Variants in ARHGEF37 observed in about 807,000 individuals in gnomAD.
ARHGEF37 encodes the protein Rho guanine nucleotide exchange factor 37.
In ARHGEF37, 55 loss-of-function variants were observed where a neutral mutation model predicts 71.1. The observed-to-expected ratio is 0.77, with a 90% CI of 0.62 to 0.97. The LOEUF (loss-of-function observed/expected upper bound fraction) is 0.97, where lower values mean the gene tolerates loss of function less well. Ranked by LOEUF, ARHGEF37 falls within the 50% of genes least tolerant of loss-of-function variation. The pLI is 0.00. For synonymous variants in ARHGEF37, 327 were observed against 350.6 expected (o/e 0.93, Z 0.75); for missense variants, 765 against 836.8 (o/e 0.91, Z 1.06).
intron 1 of ARHGEF37, among the ~76,000 whole-genome samples, chr5:149,572,162 G>C (rs1276430788): frequency 6.6e-6 from 1 of 152,110 alleles, no homozygotes; most frequent in Non-Finnish European, 1.5e-5. Context: ...ATGGTCAATT[G>C]ATCTGCAACC....
At chr5:149,586,288 G>T (rs547893539) in intron 1 of ARHGEF37, among the ~76,000 whole-genome samples, 1 of 152,298 alleles carries the variant, frequency 6.6e-6, no homozygotes, top group East Asian at 1.9e-4. Flanking sequence ...TTTTTGAGAT[G>T]GAGTCTTGCT....
At position 149,634,106 on chromosome 5, in the gene ARHGEF37, G is replaced by A. The variant is rs1752964974; in HGVS notation, c.*1915G>A. The A allele has an allele frequency of 6.6e-6, 1 of 152,144 alleles. No homozygotes were observed. Among genetic ancestry groups the A allele is most frequent in the East Asian group, 1.9e-4 (1 of 5,196 alleles). 9.4% of individuals were successfully genotyped at this position (152,144 alleles called of 1,614,324 possible). On this transcript the variant is annotated 3_prime_UTR_variant, in exon 13 of 13. Coordinates refer to ENST00000333677, the MANE Select transcript of ARHGEF37 (RefSeq NM_001001669.3). ...GAAGTTACCATGGCAGGTTTCAACTGGCAGAATCCAGGCTCCGTCCCACCC... is the reference window on the plus strand; with the variant it reads ...GAAGTTACCATGGCAGGTTTCAACTAGCAGAATCCAGGCTCCGTCCCACCC...
chr5:149,560,981 T>C (rs942282178), intron 1 of ARHGEF37, among the ~76,000 whole-genome samples: 71 of 152,038 alleles, frequency 4.7e-4, no homozygotes, highest in African/African-American at 1.6e-3. Flanking sequence ...TAGTTAGAAA[T>C]TAGAAGATAC....
chr5:149,601,213 G>T lies in ARHGEF37; in HGVS notation c.292G>T (p.Glu98Ter). 6.2e-7 allele frequency: 1 copy of T among 1,612,444 alleles called. No homozygotes were observed. The highest frequency in any genetic ancestry group is 1.1e-5 in the South Asian group (1 of 90,884). ...DLQETASKEE[E>*]QVQLVGNIFL... is the part of the protein sequence containing the mutation. ...GCAGGAGACAGCCTCCAAGGAAGAG[G>T]AACAAGTGCAGCTAGTTGGTAAGCA... The change falls in exon 3 of 13, where the codon GAA becomes TAA. Residue 98 changes from glutamate (E) to a stop codon, truncating the protein, a stop_gained. Coordinates refer to ENST00000333677, the MANE Select transcript of ARHGEF37 (RefSeq NM_001001669.3). LOFTEE classifies it high-confidence loss of function.
chr5:149,570,153 A>G (rs1580883865), intron 1 of ARHGEF37, among the ~76,000 whole-genome samples: 1 of 152,220 alleles, frequency 6.6e-6, no homozygotes, highest in East Asian at 1.9e-4. Context: ...GGAAATCATG[A>G]ATTTTTAAAA....
At chr5:149,571,469 C>G (rs1201954733) in intron 1 of ARHGEF37, among the ~76,000 whole-genome samples, 1 of 152,010 alleles carries the variant, frequency 6.6e-6, no homozygotes, top group Non-Finnish European at 1.5e-5. Context: ...TAAAACTTTG[C>G]TGAGAGAAAT....
chr5:149,598,169 C>A (rs1238181975), intron 2 of ARHGEF37, among the ~76,000 whole-genome samples: 2 of 152,138 alleles, frequency 1.3e-5, no homozygotes, highest in African/African-American at 4.8e-5. Context: ...TTAGTGTATT[C>A]CTTGGCTAAC....
intron 1 of ARHGEF37, among the ~76,000 whole-genome samples, chr5:149,555,836 T>C (rs956856590): frequency 1.3e-5 from 2 of 152,088 alleles, no homozygotes; most frequent in African/African-American, 2.4e-5. Flanking sequence ...AACTTTTTTT[T>C]TTCTTGGCTG....
intron 3 of ARHGEF37, among the ~76,000 whole-genome samples, chr5:149,603,449 T>C (rs1220488362): frequency 1.3e-5 from 2 of 152,186 alleles, no homozygotes; most frequent in African/African-American, 4.8e-5. Context: ...TGAATGCAGG[T>C]AGTTGGCCCT....
Position 149,627,169 on chromosome 5 carries a change from A to C in ARHGEF37, c.1558A>C (p.Thr520Pro). The C allele has an allele frequency of 6.2e-7, 1 of 1,614,132 alleles. No homozygotes were observed. Among genetic ancestry groups the C allele is most frequent in the South Asian group, 1.1e-5 (1 of 91,088 alleles). Residue 520 changes from threonine to proline, a missense_variant, in exon 11 of 13, where the codon ACT becomes CCT. Transcript: ENST00000333677. ...CCAGGTGACAAGCAACATCAGTGGGACTGGGACTCTGGACCTGACTCTGCC... is the reference window on the plus strand; with the variant it reads ...CCAGGTGACAAGCAACATCAGTGGGCCTGGGACTCTGGACCTGACTCTGCC... ...LYQVTSNISG[T>P]GTLDLTLPRG...
At chr5:149,618,855 T>C in intron 6 of ARHGEF37, 83 bp from the exon 7 acceptor site, 1 of 1,132,794 alleles carries the variant, frequency 8.8e-7, no homozygotes, top group East Asian at 2.4e-5. Flanking sequence ...GGAAAGGTTG[T>C]CCCAGTGAGG....
intron 7 of ARHGEF37, among the ~76,000 whole-genome samples, chr5:149,619,549 G>A (rs1368805957): frequency 6.6e-6 from 1 of 152,158 alleles, no homozygotes; most frequent in Non-Finnish European, 1.5e-5. Context: ...GCTCTGGGGG[G>A]TTGTTGCTGG....
intron 3 of ARHGEF37, among the ~76,000 whole-genome samples, chr5:149,607,787 G>A (rs1174936441): frequency 7.5e-6 from 1 of 133,410 alleles, no homozygotes; most frequent in Non-Finnish European, 1.6e-5. Flanking sequence ...TTTTGAGATG[G>A]AGTCTTGCTC....
Position 149,597,784 on chromosome 5 carries a change from A to G in ARHGEF37, c.15A>G (p.Gly5=), listed in dbSNP as rs1763587918. The G allele has an allele frequency of 6.4e-7, 1 of 1,563,350 alleles. No homozygotes were observed. The highest frequency in any genetic ancestry group is 1.4e-5 in the African/African-American group (1 of 72,218). The change falls in exon 2 of 13, where the codon GGA becomes GGG. Residue 5 remains glycine, a synonymous_variant. Coordinates refer to ENST00000333677, the MANE Select transcript of ARHGEF37 (RefSeq NM_001001669.3). ...AACCTGCTGACATGGCCAAGCATGG[A>G]GCCGACGAGCCATCCTCCAGGTCAG... MAKH[G]ADEPSSRSGS...
intron 1 of ARHGEF37, among the ~76,000 whole-genome samples, chr5:149,590,083 T>C (rs1446831908): frequency 6.6e-6 from 1 of 152,248 alleles, no homozygotes; most frequent in Admixed American, 6.5e-5. Context: ...TCCTGATCTT[T>C]GTATTTCTGG....
intron 10 of ARHGEF37, 54 bp from the exon 11 acceptor site, chr5:149,627,022 G>A: frequency 6.5e-7 from 1 of 1,536,876 alleles, no homozygotes; most frequent in Non-Finnish European, 8.8e-7. Context: ...GTTGGTGCCA[G>A]CTTTGACAGG....
rs1763627191 is a variant in ARHGEF37, at chr5:149,598,338, CCTCT to C, written c.186+384_186+387del. Among the ~76,000 whole-genome samples the C allele has an allele frequency of 8.4e-5, 8 of 95,490 alleles. No homozygotes were observed. In the South Asian group the frequency reaches 2.6e-3, roughly 31 times the overall value. 62.6% of individuals were successfully genotyped at this position (95,490 alleles called of 152,430 possible). The stretch of plus-strand genomic sequence containing the variant: ...CTTCTTCTTCTTCTTTCTTCCTCTT[CCTCT>C]TCCTCTTCTTCTTCCTCTTCCTCTT... On this transcript the variant is annotated intron_variant, in intron 2 of 12. Coordinates refer to ENST00000333677, the MANE Select transcript of ARHGEF37 (RefSeq NM_001001669.3).
At chr5:149,630,713 G>A (rs1561813308) in intron 12 of ARHGEF37, among the ~76,000 whole-genome samples, 1 of 152,174 alleles carries the variant, frequency 6.6e-6, no homozygotes, top group African/African-American at 2.4e-5. Flanking sequence ...TGGGGGTGGT[G>A]TCTCAGGGAC....
chr5:149,628,903 C>A lies in ARHGEF37; in HGVS notation c.1755C>A (p.Asp585Glu). 1 of 1,613,566 alleles carries A rather than the reference C, an allele frequency of 6.2e-7. No homozygotes were observed. Among genetic ancestry groups the A allele is most frequent in the Non-Finnish European group, 8.5e-7 (1 of 1,179,996 alleles). ...GAAGGCAGGCGGGGCTGAACAAAGA[C>A]CCCCGATGTCTAACACCGGAGCCCA... is the stretch of plus-strand genomic sequence containing the variant. ...ELRRQAGLNK[D>E]PRCLTPEPSP... The change falls in exon 12 of 13, where the codon GAC becomes GAA. Residue 585 changes from aspartate to glutamate, a missense_variant. Around this residue, in one of 5 missense-constraint regions of ARHGEF37, gnomAD observed 390 missense variants for 407.4 expected, o/e 0.96. Transcript: ENST00000333677.
Sources: gnomAD v4.1 joint callset for allele counts (sites outside exome capture counted in the v4.1 genomes callset) on GRCh38, gnomAD v4.1.1 for gene constraint, gnomAD v4.1.1 regional missense constraint, MANE v1.5 for transcripts, NCBI Gene and HGNC (gene_info 2026-07-23, HGNC 2026-07-21) for gene names.